Variants in GKAP1 observed in about 807,000 individuals in gnomAD.
GKAP1 encodes the protein G kinase anchoring protein 1.
A neutral mutation model predicts 56.7 loss-of-function variants in GKAP1; 31 were observed. That is an observed-to-expected ratio of 0.55 (90% confidence interval 0.41 to 0.74). GKAP1 has a LOEUF of 0.74. Among genes scored for constraint, GKAP1 ranks in the 30% least tolerant of loss-of-function variants. The pLI is 0.00. For synonymous variants in GKAP1, 151 were observed against 138.6 expected (o/e 1.09, Z -0.63); for missense variants, 364 against 402.3 (o/e 0.90, Z 0.82).
chr9:83,788,383 C>T (rs1336183195), intron 5 of GKAP1, among the ~76,000 whole-genome samples: 1 of 152,162 alleles, frequency 6.6e-6, no homozygotes, highest in Non-Finnish European at 1.5e-5. Flanking sequence ...CCTTAACATT[C>T]CAAGTCACCG....
chr9:83,767,414 C>A (rs184230201), intron 8 of GKAP1, among the ~76,000 whole-genome samples: 397 of 151,344 alleles, frequency 2.6e-3, no homozygotes, highest in Non-Finnish European at 3.9e-3. Flanking sequence ...GGCTAGAGTG[C>A]AGTGGTGTGA....
chr9:83,757,303 A>G (rs546795507), intron 8 of GKAP1, among the ~76,000 whole-genome samples: 9 of 152,348 alleles, frequency 5.9e-5, no homozygotes, highest in East Asian at 1.9e-4. Flanking sequence ...GGAAGAGTAC[A>G]AACAGCTAAA....
chr9:83,796,583 T>A (rs984456593), intron 4 of GKAP1, among the ~76,000 whole-genome samples: 2 of 152,180 alleles, frequency 1.3e-5, no homozygotes, highest in African/African-American at 4.8e-5. Context: ...TTCTCCTGCC[T>A]CAGTCTCCCG....
At chr9:83,775,701 C>T (rs1943846803) in intron 7 of GKAP1, among the ~76,000 whole-genome samples, 1 of 151,502 alleles carries the variant, frequency 6.6e-6, no homozygotes, top group African/African-American at 2.4e-5. Flanking sequence ...CCCAGTGAAA[C>T]CCCGTCTCTA....
At chr9:83,799,463 A>G (rs979361923) in intron 3 of GKAP1, 135 bp from the exon 4 acceptor site, 21 of 611,286 alleles carry the variant, frequency 3.4e-5, no homozygotes, top group Non-Finnish European at 5.2e-5. Context: ...TCACACAGCT[A>G]AAGTTATTAT....
chr9:83,759,943 CAACTT>C (rs948367935), intron 8 of GKAP1, among the ~76,000 whole-genome samples: 3 of 152,124 alleles, frequency 2.0e-5, no homozygotes, highest in Non-Finnish European at 2.9e-5. Context: ...CAGTCTTTTC[CAACTT>C]AACTTTTCAA....
rs138538352 is a variant in GKAP1, at chr9:83,798,299, T to A, written c.360+886A>T. Among the ~76,000 whole-genome samples the A allele has an allele frequency of 3.9e-5, 6 of 152,298 alleles. No homozygotes were observed. The East Asian group carries it at 1.2e-3, about 29-fold the overall frequency. On this transcript the variant is annotated intron_variant, in intron 4 of 12. Transcript: ENST00000376371. ...TTCATCACTTACTATACATATAGCATCTCCTAGAGTACATTCCAGGCTTAG... is the reference window on the plus strand; with the variant it reads ...TTCATCACTTACTATACATATAGCAACTCCTAGAGTACATTCCAGGCTTAG...
chr9:83,775,517 A>G (rs1319327375), intron 7 of GKAP1, among the ~76,000 whole-genome samples: 1 of 152,200 alleles, frequency 6.6e-6, no homozygotes, highest in African/African-American at 2.4e-5. Flanking sequence ...CTCCTCAAGA[A>G]AACAACTTGA....
intron 8 of GKAP1, among the ~76,000 whole-genome samples, chr9:83,762,146 T>G (rs369915552): frequency 5.8e-4 from 89 of 152,232 alleles, no homozygotes; most frequent in African/African-American, 2.1e-3. Flanking sequence ...CACTTTATAT[T>G]TGGAAAAACC....
chr9:83,760,482 AAC>A (rs1465894929), intron 8 of GKAP1, among the ~76,000 whole-genome samples: 38 of 152,112 alleles, frequency 2.5e-4, no homozygotes, highest in Admixed American at 2.5e-3. Context: ...TCAACAAAGA[AAC>A]ACTGGACTTA....
intron 2 of GKAP1, among the ~76,000 whole-genome samples, chr9:83,814,081 A>G (rs897248584): frequency 6.6e-6 from 1 of 152,148 alleles, no homozygotes; most frequent in Non-Finnish European, 1.5e-5. Context: ...CTTGGGTTAC[A>G]GCCTGAGACC....
intron 8 of GKAP1, among the ~76,000 whole-genome samples, chr9:83,765,019 A>C (rs1340304755): frequency 6.6e-6 from 1 of 152,192 alleles, no homozygotes; most frequent in African/African-American, 2.4e-5. Context: ...TCTCCAAGGC[A>C]TGTCAGAGAC....
At chr9:83,799,647 A>G (rs1315675518) in intron 3 of GKAP1, among the ~76,000 whole-genome samples, 3 of 152,216 alleles carry the variant, frequency 2.0e-5, no homozygotes, top group Admixed American at 6.5e-5. Flanking sequence ...CAGTAAAACA[A>G]GTGTGCTTTT....
At chr9:83,763,711 C>T (rs1943613382) in intron 8 of GKAP1, among the ~76,000 whole-genome samples, 1 of 152,144 alleles carries the variant, frequency 6.6e-6, no homozygotes, top group Non-Finnish European at 1.5e-5. Flanking sequence ...TGGGGCTCAC[C>T]ATTTTTTGCT....
chr9:83,770,448 T>C (rs1432275385), intron 7 of GKAP1, among the ~76,000 whole-genome samples: 2 of 152,364 alleles, frequency 1.3e-5, no homozygotes, highest in South Asian at 2.1e-4. Flanking sequence ...CCAAAATCAA[T>C]AGTTTGTTTC....
chr9:83,792,737 G>A (rs1944182262), intron 4 of GKAP1, among the ~76,000 whole-genome samples: 1 of 152,158 alleles, frequency 6.6e-6, no homozygotes, highest in Non-Finnish European at 1.5e-5. Flanking sequence ...ATAGGTAAAA[G>A]AGAGAGGGAG....
rs902845200 is a variant in GKAP1, at chr9:83,739,463, A to G, written c.*234T>C. The stretch of plus-strand genomic sequence containing the variant: ...TAATTTTATTGACTGATGAAAAACT[A>G]AAGTGATAAGAAGTATGGATAGTAG... On this transcript the variant is annotated 3_prime_UTR_variant, in exon 13 of 13. Transcript: ENST00000376371. 2.2e-5 allele frequency: 8 copies of G among 367,536 alleles called. No individual in the cohort carries two copies. The highest frequency in any genetic ancestry group is 2.5e-4 in the South Asian group (2 of 7,934). The allele number at this position is 367,536 out of a possible 1,614,324, so 22.8% of individuals were successfully genotyped here.
chr9:83,764,523 G>A (rs1210178952), intron 8 of GKAP1, among the ~76,000 whole-genome samples: 1 of 152,104 alleles, frequency 6.6e-6, no homozygotes, highest in East Asian at 1.9e-4. Flanking sequence ...TGGTACCACA[G>A]AGAGTCAGGG....
intron 8 of GKAP1, among the ~76,000 whole-genome samples, chr9:83,758,468 C>T (rs558675390): frequency 1.3e-5 from 2 of 152,286 alleles, no homozygotes; most frequent in Non-Finnish European, 2.9e-5. Context: ...TACGGTGGCT[C>T]ATGCCTATGA....
Sources: gnomAD v4.1 joint callset for allele counts (sites outside exome capture counted in the v4.1 genomes callset) on GRCh38, gnomAD v4.1.1 for gene constraint, MANE v1.5 for transcripts, NCBI Gene and HGNC (gene_info 2026-07-23, HGNC 2026-07-21) for gene names.